The following PDZD2 variants were observed in gnomAD, a reference collection of about 807,000 sequenced individuals.
PDZD2 encodes PDZ domain-containing protein 2.
PDZD2 carries 90 observed loss-of-function variants against 220.7 expected under a neutral mutation model. The ratio of observed to expected loss-of-function variants is 0.41; its 90% confidence interval spans 0.34 to 0.49. The LOEUF (loss-of-function observed/expected upper bound fraction) is 0.49. PDZD2 is among the 20% of genes least tolerant of loss of function. The pLI is 0.28. For synonymous variants in PDZD2, 1,375 were observed against 1,450.5 expected, an observed-to-expected ratio of 0.95 and a Z score of 1.18; for missense variants, 3,174 against 3,608.5, an observed-to-expected ratio of 0.88 and a Z score of 3.08.
intron 19 of PDZD2, among the ~76,000 whole-genome samples, chr5:32,082,182 C>G (rs184690435): frequency 6.6e-6 from 1 of 151,762 alleles, no homozygotes; most frequent in Non-Finnish European, 1.5e-5. Flanking sequence ...CCACCACGCT[C>G]GGCCAATTTT....
chr5:31,875,441 C>T (rs972466209), intron 2 of PDZD2, among the ~76,000 whole-genome samples: 16 of 151,730 alleles, frequency 1.1e-4, no homozygotes, highest in African/African-American at 3.9e-4. Flanking sequence ...AAAAAATTAG[C>T]TGGGCGTGGT....
intron 2 of PDZD2, among the ~76,000 whole-genome samples, chr5:31,906,456 C>T (rs62361631): frequency 0.41 from 62,464 of 151,280 alleles, 14,253 homozygotes; most frequent in Non-Finnish European, 0.52. Flanking sequence ...GCAATCAGCC[C>T]GTCTCAGCCT....
At chr5:31,650,197 C>T (rs1216885734) in intron 1 of PDZD2, among the ~76,000 whole-genome samples, 5 of 151,974 alleles carry the variant, frequency 3.3e-5, no homozygotes, top group African/African-American at 7.3e-5. Context: ...CCAATAGACA[C>T]TCAATAAATG....
At position 32,062,393 on chromosome 5, in the gene PDZD2, A is replaced by ATTT. The variant is rs35709661; in HGVS notation, c.2451+1275_2451+1277dup. On this transcript the variant is annotated intron_variant, in intron 14 of 24. Coordinates refer to ENST00000438447, the MANE Select transcript of PDZD2 (RefSeq NM_178140.4). The stretch of plus-strand genomic sequence containing the variant: ...TGATAGATCAAGTCCTCAAGACTAA[A>ATTT]TTTTTTTTTTTTTTTTTTGAGACAG... 1.6e-3 allele frequency among the ~76,000 whole-genome samples: 223 copies of ATTT among 141,286 alleles called. 3 individuals are homozygous for ATTT. Among genetic ancestry groups the ATTT allele is most frequent in the African/African-American group, 5.5e-3 (209 of 38,102 alleles). The allele number at this position is 141,286 out of a possible 152,430, so 92.7% of individuals were successfully genotyped here. A position where few individuals can be genotyped will look rare whatever the true frequency, so the allele number is the denominator to read the frequency against.
chr5:32,088,741 C>T lies in PDZD2; in HGVS notation c.5293C>T (p.Pro1765Ser). Residue 1765 changes from proline (P) to serine (S), a missense_variant, in exon 20 of 25, where the codon CCT becomes TCT. Around this residue, in one of 4 missense-constraint regions of PDZD2, gnomAD observed 1,861 missense variants for 2,001.0 expected, o/e 0.93. Transcript: ENST00000438447. This position sits in a 1 kb window ranked among gnomAD's most constrained non-coding sequence, Gnocchi z 4.6. Reference sequence around the variant, plus strand: ...TCTGTCCTCCTTCAGTGTGGATGTCCCTAAGAATGGAGAATCTGTTTTGGA... The same window carrying T: ...TCTGTCCTCCTTCAGTGTGGATGTCTCTAAGAATGGAGAATCTGTTTTGGA... ...ASLSSFSVDVPKNGESVLENL... is the reference protein window; with the variant it reads ...ASLSSFSVDVSKNGESVLENL... 1 of 1,613,968 alleles carries T rather than the reference C, an allele frequency of 6.2e-7. No individual in the cohort carries two copies. The highest frequency in any genetic ancestry group is 8.5e-7 in the Non-Finnish European group (1 of 1,179,960).
intron 2 of PDZD2, among the ~76,000 whole-genome samples, chr5:31,930,236 C>T (rs1161155332): frequency 6.3e-5 from 9 of 143,876 alleles, no homozygotes; most frequent in Admixed American, 1.4e-4. Context: ...GAGACAGTCT[C>T]GCTCTGTCGC....
chr5:31,828,696 T>A lies in PDZD2; in HGVS notation c.476+28972T>A, dbSNP rs1290353659. Among the ~76,000 whole-genome samples the A allele has an allele frequency of 6.6e-5, 10 of 152,216 alleles. 1 individual carries two copies. Among genetic ancestry groups the A allele is most frequent in the Admixed American group, 3.9e-4 (6 of 15,286 alleles). On this transcript the variant is annotated intron_variant, in intron 2 of 24. Coordinates refer to ENST00000438447, the MANE Select transcript of PDZD2 (RefSeq NM_178140.4). ...AAAATTTTTTTGTAGAGACAGGGTC[T>A]TGCTGTGTTTCCCATACTGGTCTCA...
At chr5:31,679,392 C>T (rs947108249) in intron 1 of PDZD2, among the ~76,000 whole-genome samples, 2 of 152,232 alleles carry the variant, frequency 1.3e-5, no homozygotes, top group Non-Finnish European at 2.9e-5. Flanking sequence ...GGCGTGGTCT[C>T]TGAGGAGGAC....
At chr5:32,066,704 A>G (rs1329609521) in intron 14 of PDZD2, among the ~76,000 whole-genome samples, 1 of 152,250 alleles carries the variant, frequency 6.6e-6, no homozygotes, top group Non-Finnish European at 1.5e-5. Context: ...GGCATGTCTG[A>G]CTTCAAAATA....
rs1016992492 is a variant in PDZD2 at position 32,076,308 on chromosome 5, A to C, written c.3538-1154A>C. Reference sequence around the variant, plus strand: ...CTCAAGAAAAAAAAAAAAAAAAAAAAACAAATCACAAGTTTTGGATAACTG... The same window carrying C: ...CTCAAGAAAAAAAAAAAAAAAAAAACACAAATCACAAGTTTTGGATAACTG... On this transcript the variant is annotated intron_variant, in intron 18 of 24. Coordinates refer to ENST00000438447, the MANE Select transcript of PDZD2 (RefSeq NM_178140.4). 4.7e-5 allele frequency among the ~76,000 whole-genome samples: 7 copies of C among 148,320 alleles called. No homozygotes were observed. In the South Asian group the frequency reaches 1.3e-3, roughly 28 times the overall value.
intron 2 of PDZD2, among the ~76,000 whole-genome samples, chr5:31,939,729 T>C (rs1746055796): frequency 6.6e-6 from 1 of 152,102 alleles, no homozygotes; most frequent in African/African-American, 2.4e-5. Context: ...ATCTATACAA[T>C]GTTGTGAGGG....
In PDZD2 at chr5:32,089,954, C is replaced by G. The variant is rs61744453; in HGVS notation, c.6506C>G (p.Ser2169Cys). ...TCATTCAGCATGGCAAAACTGGCGT[C>G]CTCCTCCTCCTCCCTTCAAACAGCC... ...SRSFSMAKLA[S>C]SSSSLQTAIR... The change falls in exon 20 of 25, where the codon TCC becomes TGC. Residue 2169 changes from serine to cysteine, a missense_variant. Ser to Cys is a moderately radical substitution (Grantham distance 112). Transcript: ENST00000438447. The G allele has an allele frequency of 2.0e-4, 312 of 1,598,998 alleles. No homozygotes were observed. Among genetic ancestry groups the G allele is most frequent in the Non-Finnish European group, 2.6e-4 (300 of 1,171,902 alleles).
At chr5:31,666,934 A>G (rs1047001236) in intron 1 of PDZD2, among the ~76,000 whole-genome samples, 1 of 152,070 alleles carries the variant, frequency 6.6e-6, no homozygotes, top group Admixed American at 6.6e-5. Flanking sequence ...CCAAATATTG[A>G]TAGAGTACCT....
chr5:31,887,826 G>C (rs983043801), intron 2 of PDZD2, among the ~76,000 whole-genome samples: 40 of 151,182 alleles, frequency 2.6e-4, no homozygotes, highest in South Asian at 6.4e-4. Flanking sequence ...GTGCGGGGGA[G>C]GGGGGGAACA....
intron 1 of PDZD2, among the ~76,000 whole-genome samples, chr5:31,716,226 A>G (rs1020699142): frequency 6.6e-6 from 1 of 152,230 alleles, no homozygotes; most frequent in African/African-American, 2.4e-5. Context: ...ATTTACAGTT[A>G]CTGAATGCTT....
intron 1 of PDZD2, among the ~76,000 whole-genome samples, chr5:31,686,264 T>G (rs1270984522): frequency 6.6e-6 from 1 of 152,106 alleles, no homozygotes; most frequent in African/African-American, 2.4e-5. Flanking sequence ...ATACAAAAAT[T>G]TCATATTTCT....
chr5:32,079,008 C>G (rs1394989037), intron 19 of PDZD2, among the ~76,000 whole-genome samples: 1 of 151,726 alleles, frequency 6.6e-6, no homozygotes, highest in Non-Finnish European at 1.5e-5. Flanking sequence ...CCTGTAATCC[C>G]AGCACTTTGG....
intron 2 of PDZD2, among the ~76,000 whole-genome samples, chr5:31,865,621 CTTTTTTTTT>C (rs776271275): frequency 1.6e-4 from 11 of 67,776 alleles, no homozygotes; most frequent in African/African-American, 7.4e-4. Flanking sequence ...CTACTGGCAA[CTTTTTTTTT>C]TTTTTTTTTT....
chr5:31,983,368 C>G lies in PDZD2; in HGVS notation c.690C>G (p.Ala230=), dbSNP rs781614130. ...GVISRPPANK[A]PEESKGSAGC... ...TCTCCAGGCCTCCTGCCAACAAGGC[C>G]CCTGAAGAATCCAAGGGCAGCGCTG... The change falls in exon 3 of 25, where the codon GCC becomes GCG. Residue 230 remains alanine (A), a synonymous_variant. Coordinates refer to ENST00000438447, the MANE Select transcript of PDZD2 (RefSeq NM_178140.4). 5.0e-6 allele frequency: 8 copies of G among 1,614,178 alleles called. No individual in the cohort carries two copies. The highest frequency in any genetic ancestry group is 2.2e-5 in the East Asian group (1 of 44,886).
Sources: allele counts gnomAD v4.1 joint callset (sites outside exome capture counted in the v4.1 genomes callset), GRCh38; gene constraint gnomAD v4.1.1; regional missense constraint gnomAD v4.1.1; non-coding constraint Gnocchi (gnomAD v3.1); transcripts MANE v1.5; gene names NCBI Gene and HGNC (gene_info 2026-07-23, HGNC 2026-07-21).